TJP1: variants seen among roughly 807,000 people sequenced by gnomAD.
TJP1 encodes the protein tight junction protein ZO-1.
A neutral mutation model predicts 194.2 loss-of-function variants in TJP1; 43 were observed. That is an observed-to-expected ratio of 0.22 (90% CI 0.17 to 0.29). TJP1 has a LOEUF of 0.29. TJP1 is among the 10% of genes least tolerant of loss of function. The pLI is 1.00. For synonymous variants in TJP1, 801 were observed against 779.0 expected (o/e 1.03, Z -0.47); for missense variants, 1,971 against 2,185.7 (o/e 0.90, Z 1.96).
intron 1 of TJP1, among the ~76,000 whole-genome samples, chr15:29,958,461 TG>T (rs1478138914): frequency 6.6e-6 from 1 of 152,210 alleles, no homozygotes; most frequent in Admixed American, 6.5e-5. Context: ...TCTTGTTTTG[TG>T]TTTAATGCTT....
rs192980243 is a variant in TJP1, at chr15:29,741,217, A to G, written c.1256+114T>C. 2.2e-4 allele frequency: 159 copies of G among 707,606 alleles called. No individual in the cohort carries two copies. In the African/African-American group the frequency reaches 2.5e-3, roughly 11 times the overall value. 43.8% of individuals were successfully genotyped at this position (707,606 alleles called of 1,614,324 possible). A position where few individuals can be genotyped will look rare whatever the true frequency, so the allele number is the denominator to read the frequency against. On this transcript the variant is annotated intron_variant, in intron 10 of 27. Coordinates refer to ENST00000614355, the MANE Select transcript of TJP1 (RefSeq NM_001330239.4). ...TAAATATAAAAATAATCATAGTATT[A>G]GGTGGTATGTACTATTTTAAAAAAT... is the stretch of plus-strand genomic sequence containing the variant.
Position 29,761,306 on chromosome 15 carries a change from A to G in TJP1, c.863-20T>C. On this transcript the variant is annotated intron_variant, in intron 7 of 27. Transcript: ENST00000614355. ...AAATGTCTGTTAATAAAAGGGTGCT[A>G]CTTATTTTCCCACAAAAATAATTAC... The G allele has an allele frequency of 1.2e-6, 2 of 1,613,504 alleles. No homozygotes were observed. Among genetic ancestry groups the G allele is most frequent in the African/African-American group, 2.7e-5 (2 of 75,034 alleles).
chr15:29,785,362 C>T (rs1453854912), intron 2 of TJP1, among the ~76,000 whole-genome samples: 1 of 152,182 alleles, frequency 6.6e-6, no homozygotes, highest in Non-Finnish European at 1.5e-5. Flanking sequence ...CATTCCTTTA[C>T]ATATAATTAT....
chr15:29,766,136 G>T, intron 5 of TJP1, 130 bp downstream of exon 5: 1 of 1,243,564 alleles, frequency 8.0e-7, no homozygotes, highest in South Asian at 1.5e-5. Flanking sequence ...AACAGGATTT[G>T]ACTTACAGTG....
chr15:29,949,066 C>G (rs1386960048), intron 2 of TJP1, among the ~76,000 whole-genome samples: 1 of 150,180 alleles, frequency 6.7e-6, no homozygotes, highest in African/African-American at 2.5e-5. Flanking sequence ...CCACCACCAC[C>G]TCTACCACCA....
intron 10 of TJP1, among the ~76,000 whole-genome samples, chr15:29,737,706 T>C (rs2044129921): frequency 6.6e-6 from 1 of 152,154 alleles, no homozygotes; most frequent in Non-Finnish European, 1.5e-5. Context: ...TCTCAAAGAG[T>C]TATGGTACAT....
intron 1 of TJP1, chr15:29,820,661 CAAAGCCTTTCCTCCTAGGAAAG>C (rs1376214297): frequency 4.5e-6 from 3 of 671,882 alleles, no homozygotes; most frequent in Non-Finnish European, 8.3e-6. Flanking sequence ...AATACGGAAA[CAAAGCCTTTCCTCCTAGGAAAG>C]AAAGCCCCAG....
At chr15:29,911,194 A>G (rs757146381) in intron 2 of TJP1, among the ~76,000 whole-genome samples, 8 of 152,202 alleles carry the variant, frequency 5.3e-5, no homozygotes, top group East Asian at 3.9e-4. Flanking sequence ...GGTGGTCCCA[A>G]TGCTTCAGGC....
intron 8 of TJP1, among the ~76,000 whole-genome samples, chr15:29,744,060 T>A (rs1850911913): frequency 6.6e-6 from 1 of 152,100 alleles, no homozygotes; most frequent in African/African-American, 2.4e-5. Context: ...GCGCCTATAG[T>A]CCCAGCTACT....
At chr15:29,866,778 A>G (rs1367062689) in intron 2 of TJP1, among the ~76,000 whole-genome samples, 2 of 152,238 alleles carry the variant, frequency 1.3e-5, no homozygotes, top group African/African-American at 4.8e-5. Context: ...ATGTTTAATA[A>G]AAAATAACGA....
At chr15:29,931,945 T>C (rs1026546814) in intron 2 of TJP1, among the ~76,000 whole-genome samples, 36 of 152,230 alleles carry the variant, frequency 2.4e-4, no homozygotes, top group African/African-American at 8.4e-4. Context: ...GATGTTGCTA[T>C]GGCATCTGTA....
chr15:29,699,503 T>C (rs2041417379), downstream of TJP1: 1 of 152,124 alleles, frequency 6.6e-6, no homozygotes, highest in African/African-American at 2.4e-5. Context: ...AACTGTTGTA[T>C]GTATTAACCG....
chr15:29,768,048 CA>C (rs773668119), intron 4 of TJP1, among the ~76,000 whole-genome samples: 36 of 152,184 alleles, frequency 2.4e-4, no homozygotes, highest in Admixed American at 5.2e-4. Flanking sequence ...TGCATGTTAT[CA>C]TCTTTTCTCT....
intron 2 of TJP1, among the ~76,000 whole-genome samples, chr15:29,892,924 A>C (rs1011766058): frequency 6.6e-6 from 1 of 152,238 alleles, no homozygotes; most frequent in Non-Finnish European, 1.5e-5. Context: ...TTGAGTCTTA[A>C]TATCTAAAAA....
intron 1 of TJP1, among the ~76,000 whole-genome samples, chr15:29,965,747 C>T (rs150041752): frequency 2.6e-4 from 39 of 152,236 alleles, no homozygotes; most frequent in African/African-American, 7.5e-4. Context: ...ATAAATCTGG[C>T]GGCACAATGT....
chr15:29,736,156 A>G (rs45525937), intron 11 of TJP1, among the ~76,000 whole-genome samples: 2 of 152,364 alleles, frequency 1.3e-5, no homozygotes, highest in Non-Finnish European at 2.9e-5. Context: ...CTTGAGGATG[A>G]CATTAACTCA....
chr15:29,705,695 G>A lies in TJP1; in HGVS notation c.4901C>T (p.Ala1634Val), dbSNP rs1428956895. Reference sequence around the variant, plus strand: ...GCTGTTAAATATGCCTCGGGCTGTGGCCACCACAGTATGACCATCTTCATC... The same window carrying A: ...GCTGTTAAATATGCCTCGGGCTGTGACCACCACAGTATGACCATCTTCATC... ...DEDEDGHTVV[A>V]TARGIFNSNG... The change falls in exon 26 of 28, where the codon GCC becomes GTC. Residue 1634 changes from alanine to valine, a missense_variant. This residue lies in a region of TJP1 where 1,108 missense variants were observed against 1,128.5 expected (regional missense o/e 0.98). Transcript: ENST00000614355. The A allele has an allele frequency of 6.2e-7, 1 of 1,614,140 alleles. No individual in the cohort carries two copies. The highest frequency in any genetic ancestry group is 1.3e-5 in the African/African-American group (1 of 75,030).
At chr15:29,707,617 A>C (rs2041980348) in intron 25 of TJP1, among the ~76,000 whole-genome samples, 2 of 152,180 alleles carry the variant, frequency 1.3e-5, no homozygotes, top group Admixed American at 1.3e-4. Context: ...GGAGGCTGAG[A>C]TGAGCTTTTA....
At chr15:29,890,865 C>A (rs549543675) in intron 2 of TJP1, among the ~76,000 whole-genome samples, 109 of 151,958 alleles carry the variant, frequency 7.2e-4, no homozygotes, top group Non-Finnish European at 1.3e-4. Flanking sequence ...AAATAAGAGA[C>A]TCTGCCAGCG....
Sources: gnomAD v4.1 joint callset for allele counts (sites outside exome capture counted in the v4.1 genomes callset) on GRCh38, gnomAD v4.1.1 for gene constraint, gnomAD v4.1.1 regional missense constraint, MANE v1.5 for transcripts, NCBI Gene and HGNC (gene_info 2026-07-23, HGNC 2026-07-21) for gene names.